UTRN: variants seen among roughly 807,000 people sequenced by gnomAD.
UTRN encodes the protein dystrophin-related protein 1.
Under a neutral mutation model 463.9 loss-of-function variants are expected in UTRN, and 283 were observed. The ratio of observed to expected loss-of-function variants is 0.61; its 90% CI spans 0.55 to 0.67. The LOEUF (loss-of-function observed/expected upper bound fraction) is 0.67. UTRN is among the 30% of genes least tolerant of loss of function. The probability of loss-of-function intolerance (pLI) is 0.00; values close to 1 mark genes in which losing one functional copy is unlikely to be tolerated. For synonymous variants in UTRN, 1,442 were observed against 1,431.5 expected (o/e 1.01, Z -0.17); for missense variants, 3,922 against 4,084.3 (o/e 0.96, Z 1.08).
intron 2 of UTRN, among the ~76,000 whole-genome samples, chr6:144,300,160 G>A (rs1464926960): frequency 1.3e-5 from 2 of 151,120 alleles, no homozygotes; most frequent in African/African-American, 4.9e-5. Flanking sequence ...TGCCATCTCA[G>A]CTCACTGCAA....
At chr6:144,653,269 G>A (rs1028432696) in intron 51 of UTRN, among the ~76,000 whole-genome samples, 1 of 152,096 alleles carries the variant, frequency 6.6e-6, no homozygotes. Flanking sequence ...CATATTAGAG[G>A]TTAATTATTT....
chr6:144,815,850 A>G (rs1348796528), intron 65 of UTRN, among the ~76,000 whole-genome samples: 4 of 152,250 alleles, frequency 2.6e-5, no homozygotes, highest in Non-Finnish European at 5.9e-5. Context: ...GCATCCTTCA[A>G]TCCAATCAAG....
At chr6:144,401,824 G>A (rs1019438689) in intron 2 of UTRN, among the ~76,000 whole-genome samples, 4 of 152,142 alleles carry the variant, frequency 2.6e-5, no homozygotes, top group African/African-American at 9.7e-5. Flanking sequence ...TTCGTGAGCA[G>A]GTCTGTATTT....
intron 64 of UTRN, 59 bp downstream of exon 64, chr6:144,798,049 G>T: frequency 1.2e-6 from 2 of 1,607,990 alleles, no homozygotes; most frequent in South Asian, 1.1e-5. Context: ...AATCTCAGTG[G>T]TACGTCCATC....
chr6:144,548,994 G>A (rs1798665686), intron 47 of UTRN, 140 bp downstream of exon 47: 1 of 805,186 alleles, frequency 1.2e-6, no homozygotes, highest in Non-Finnish European at 1.9e-6. Flanking sequence ...CAACCATTCA[G>A]GGCTAACTAC....
chr6:144,422,306 A>G (rs1171035421), intron 4 of UTRN, among the ~76,000 whole-genome samples: 2 of 152,194 alleles, frequency 1.3e-5, no homozygotes, highest in African/African-American at 4.8e-5. Context: ...CACATTTAAG[A>G]GTTAAATATT....
chr6:144,786,009 T>C (rs1776260620), intron 61 of UTRN, among the ~76,000 whole-genome samples: 1 of 152,230 alleles, frequency 6.6e-6, no homozygotes, highest in Admixed American at 6.5e-5. Context: ...TGTCATTTGT[T>C]CCACTATTCC....
intron 54 of UTRN, among the ~76,000 whole-genome samples, chr6:144,738,488 T>C (rs917237617): frequency 1.3e-5 from 2 of 152,198 alleles, no homozygotes; most frequent in Admixed American, 1.3e-4. Context: ...TCTGTCGGTC[T>C]TCCTCTCTCC....
At chr6:144,602,944 C>G (rs1447301490) in intron 51 of UTRN, among the ~76,000 whole-genome samples, 1 of 151,998 alleles carries the variant, frequency 6.6e-6, no homozygotes, top group Admixed American at 6.6e-5. Context: ...ACTGGGAAAC[C>G]AAAAAAATTG....
chr6:144,360,451 G>C (rs1013874457), intron 2 of UTRN, among the ~76,000 whole-genome samples: 3 of 152,120 alleles, frequency 2.0e-5, no homozygotes, highest in African/African-American at 7.2e-5. Context: ...GGGATTACAG[G>C]CTTGAGCCAC....
chr6:144,716,964 T>G (rs889394773), intron 53 of UTRN, among the ~76,000 whole-genome samples: 2 of 152,214 alleles, frequency 1.3e-5, no homozygotes, highest in Non-Finnish European at 2.9e-5. Flanking sequence ...AATGAACACT[T>G]TTGTGTTCGT....
intron 52 of UTRN, among the ~76,000 whole-genome samples, chr6:144,680,507 A>AT (rs1782099473): frequency 6.6e-6 from 1 of 152,210 alleles, no homozygotes; most frequent in Non-Finnish European, 1.5e-5. Context: ...GTGATAATGA[A>AT]TTAAAATAAC....
intron 51 of UTRN, among the ~76,000 whole-genome samples, chr6:144,647,925 A>G (rs953198542): frequency 3.3e-5 from 5 of 152,124 alleles, no homozygotes; most frequent in Non-Finnish European, 7.4e-5. Context: ...CAGTTGTTAG[A>G]TTTTCTTAGG....
At position 144,290,161 on chromosome 6, in the gene UTRN, C is replaced by T. The variant is rs1174797060; in HGVS notation, c.-92-1576C>T. 5.3e-5 allele frequency among the ~76,000 whole-genome samples: 8 copies of T among 152,276 alleles called. No homozygotes were observed. The East Asian group carries it at 9.6e-4, about 18-fold the overall frequency. On this transcript the variant is annotated intron_variant, in intron 1 of 74. Transcript: ENST00000367545. ...CATGTCTCTTACAATCAAAGACATT[C>T]TCCTGCAACAATACCATAATTAATG...
intron 33 of UTRN, among the ~76,000 whole-genome samples, chr6:144,495,320 G>C (rs1175985798): frequency 6.6e-6 from 1 of 152,252 alleles, no homozygotes; most frequent in Non-Finnish European, 1.5e-5. Flanking sequence ...GGCCCGGTGA[G>C]AAATTGAGCG....
In UTRN at chr6:144,511,022, A is replaced by G. The variant is rs1795120610; in HGVS notation, c.4843A>G (p.Ile1615Val). 1 of 1,613,496 alleles carries G rather than the reference A, an allele frequency of 6.2e-7. No homozygotes were observed. The highest frequency in any genetic ancestry group is 8.5e-7 in the Non-Finnish European group (1 of 1,179,554). ...TESSAALQNL[I>V]EGSEPILEER... ...GAGTAGTGCTGCCCTGCAAAACTTGATTGAGGGCAGTGAGCCTATTTTAGA... is the reference window on the plus strand; with the variant it reads ...GAGTAGTGCTGCCCTGCAAAACTTGGTTGAGGGCAGTGAGCCTATTTTAGA... The change falls in exon 35 of 75, where the codon ATT (isoleucine) becomes GTT (valine). Residue 1615 changes from isoleucine to valine, a missense_variant. Ile to Val is a conservative substitution (Grantham distance 29). Coordinates refer to ENST00000367545, the MANE Select transcript of UTRN (RefSeq NM_007124.3).
At chr6:144,672,894 A>AT (rs2128679690) in intron 51 of UTRN, among the ~76,000 whole-genome samples, 1 of 152,172 alleles carries the variant, frequency 6.6e-6, no homozygotes, top group South Asian at 2.1e-4. Context: ...AGTTCAAATA[A>AT]TTTTTTAATT....
chr6:144,585,522 A>C (rs1169691402), intron 51 of UTRN, among the ~76,000 whole-genome samples: 1 of 152,108 alleles, frequency 6.6e-6, no homozygotes, highest in Non-Finnish European at 1.5e-5. Context: ...GTAACAGATA[A>C]ATTTTATTTG....
intron 2 of UTRN, among the ~76,000 whole-genome samples, chr6:144,373,403 A>G (rs1780179116): frequency 6.6e-6 from 1 of 152,252 alleles, no homozygotes; most frequent in African/African-American, 2.4e-5. Flanking sequence ...TGCTAAGTGA[A>G]AGACGTCTGG....
Sources: allele counts gnomAD v4.1 joint callset (sites outside exome capture counted in the v4.1 genomes callset), GRCh38; gene constraint gnomAD v4.1.1; transcripts MANE v1.5; gene names NCBI Gene and HGNC (gene_info 2026-07-23, HGNC 2026-07-21).